Variants in ASPH observed in about 807,000 individuals in gnomAD.
ASPH encodes aspartyl/asparaginyl beta-hydroxylase.
In ASPH, 100 loss-of-function variants were observed where a neutral mutation model predicts 118.4. The ratio of observed to expected loss-of-function variants is 0.84; its 90% confidence interval spans 0.72 to 1.00. ASPH has a LOEUF of 1.00. Ranked by LOEUF, ASPH falls within the 50% of genes least tolerant of loss-of-function variation. The pLI is 0.00. For missense variants in ASPH, 920 were observed against 919.5 expected, an observed-to-expected ratio of 1.00 and a Z score of -0.01; for synonymous variants, 315 against 325.6, an observed-to-expected ratio of 0.97 and a Z score of 0.35.
At chr8:61,592,296 A>G (rs1411906767) in intron 14 of ASPH, among the ~76,000 whole-genome samples, 1 of 152,208 alleles carries the variant, frequency 6.6e-6, no homozygotes, top group Non-Finnish European at 1.5e-5. Flanking sequence ...TTAAGTGGGA[A>G]ATGTGCCTGA....
chr8:61,693,231 T>C (rs1833089179), intron 1 of ASPH, among the ~76,000 whole-genome samples: 1 of 152,196 alleles, frequency 6.6e-6, no homozygotes, highest in African/African-American at 2.4e-5. Context: ...GCCTCCATTT[T>C]ATATCCAACA....
chr8:61,577,421 A>AAAAAAAAAAG (rs1197809235), intron 15 of ASPH, among the ~76,000 whole-genome samples: 2 of 148,262 alleles, frequency 1.3e-5, no homozygotes, highest in African/African-American at 5.1e-5. Context: ...AAAAAAAAAA[A>AAAAAAAAAAG]AAGACAAGAC....
In ASPH at chr8:61,709,845, G is replaced by C. The variant is rs549620316; in HGVS notation, c.103+4424C>G. Among the ~76,000 whole-genome samples, 9 of 152,296 alleles carry C rather than the reference G, an allele frequency of 5.9e-5. No homozygotes were observed. The South Asian group carries it at 1.9e-3, about 32-fold the overall frequency. The stretch of plus-strand genomic sequence containing the variant: ...GCCATTAAGGGCAAATCACCAACTT[G>C]AAAGTTGATGTGCAAATGGATACTT... On this transcript the variant is annotated intron_variant, in intron 1 of 24. Transcript: ENST00000379454.
At chr8:61,667,954 C>T (rs978369691) in intron 3 of ASPH, among the ~76,000 whole-genome samples, 1 of 151,906 alleles carries the variant, frequency 6.6e-6, no homozygotes, top group South Asian at 2.1e-4. Flanking sequence ...TACATCATAA[C>T]AAATATAACA....
intron 13 of ASPH, chr8:61,628,247 C>T (rs1853837617): frequency 3.4e-6 from 1 of 293,880 alleles, no homozygotes. Context: ...GCAGCTTTGA[C>T]CTCCTGGACT....
chr8:61,575,589 T>G (rs1326935796), intron 16 of ASPH, among the ~76,000 whole-genome samples: 14 of 152,204 alleles, frequency 9.2e-5, no homozygotes, highest in Admixed American at 9.2e-4. Context: ...TAGCACACAG[T>G]GGGCTTTCAC....
chr8:61,572,264 T>C (rs1293631079), intron 16 of ASPH, among the ~76,000 whole-genome samples: 2 of 152,296 alleles, frequency 1.3e-5, no homozygotes, highest in African/African-American at 4.8e-5. Context: ...GGAAAATTTC[T>C]GCACTCTGAA....
intron 22 of ASPH, among the ~76,000 whole-genome samples, chr8:61,523,427 T>C (rs527488001): frequency 6.6e-6 from 1 of 151,368 alleles, no homozygotes; most frequent in African/African-American, 2.4e-5. Flanking sequence ...GTGATTCTCC[T>C]ACCTCAGCCT....
chr8:61,616,638 T>A (rs905245847), intron 14 of ASPH, among the ~76,000 whole-genome samples: 4 of 152,210 alleles, frequency 2.6e-5, no homozygotes. Context: ...TCTTACACAC[T>A]CTAGGCTTGT....
intron 10 of ASPH, among the ~76,000 whole-genome samples, chr8:61,640,938 C>T (rs1804826704): frequency 1.3e-5 from 2 of 152,172 alleles, no homozygotes; most frequent in South Asian, 4.1e-4. Context: ...TCTATTCTCC[C>T]ATTGAAATGT....
intron 22 of ASPH, among the ~76,000 whole-genome samples, chr8:61,524,495 A>G (rs961133539): frequency 6.6e-5 from 10 of 152,230 alleles, no homozygotes; most frequent in African/African-American, 2.2e-4. Flanking sequence ...ACACAATTCT[A>G]TCACATGTAA....
At chr8:61,670,225 G>GA (rs767494475) in intron 3 of ASPH, among the ~76,000 whole-genome samples, 2 of 145,012 alleles carry the variant, frequency 1.4e-5, no homozygotes, top group African/African-American at 2.5e-5. Flanking sequence ...AGAGAGTAAA[G>GA]AAAAAAAAAT....
intron 3 of ASPH, among the ~76,000 whole-genome samples, chr8:61,671,813 A>G (rs1217378673): frequency 6.6e-6 from 1 of 152,258 alleles, no homozygotes; most frequent in East Asian, 1.9e-4. Context: ...GTTCTCTATG[A>G]AATTAAAATG....
intron 3 of ASPH, chr8:61,664,840 AAAC>A: frequency 1.0e-6 from 1 of 989,754 alleles, no homozygotes; most frequent in Non-Finnish European, 1.2e-6. Flanking sequence ...GGAGGGAAGA[AAAC>A]AACGAGCAAA....
intron 20 of ASPH, among the ~76,000 whole-genome samples, chr8:61,551,762 C>CA (rs983481844): frequency 2.0e-5 from 3 of 152,166 alleles, no homozygotes; most frequent in African/African-American, 7.2e-5. Context: ...GATGTTGTAG[C>CA]AAAATCTTTC....
At chr8:61,710,361 C>A (rs756617494) in intron 1 of ASPH, among the ~76,000 whole-genome samples, 1 of 152,146 alleles carries the variant, frequency 6.6e-6, no homozygotes, top group Non-Finnish European at 1.5e-5. Flanking sequence ...TAACTAACAA[C>A]AAGATGGATA....
At chr8:61,671,504 T>C (rs1029612928) in intron 3 of ASPH, among the ~76,000 whole-genome samples, 4 of 152,194 alleles carry the variant, frequency 2.6e-5, no homozygotes, top group Non-Finnish European at 5.9e-5. Context: ...TGTTTTTAAT[T>C]AATAGAATAT....
In ASPH at chr8:61,651,058, GCGT is replaced by G. The variant is rs748391652; in HGVS notation, c.479_481del (p.His160_Ala161delinsPro). 1.2e-6 allele frequency: 2 copies of G among 1,612,778 alleles called. No individual in the cohort carries two copies. The highest frequency in any genetic ancestry group is 2.2e-5 in the South Asian group (2 of 90,924). On this transcript the variant is annotated inframe_deletion, in exon 5 of 25. Transcript: ENST00000379454. ...CAGATTTTAATTCATACCATGTTCTGCGTGTACCATTTCATGGAGAAGGGACTG... is the reference window on the plus strand; with the variant it reads ...CAGATTTTAATTCATACCATGTTCTGGTACCATTTCATGGAGAAGGGACTG...
At chr8:61,542,850 A>G (rs536803479) in intron 21 of ASPH, among the ~76,000 whole-genome samples, 3 of 152,264 alleles carry the variant, frequency 2.0e-5, no homozygotes, top group Admixed American at 1.3e-4. Flanking sequence ...TGCTAGATAT[A>G]GAATTCTTGG....
Sources: gnomAD v4.1 joint callset for allele counts (sites outside exome capture counted in the v4.1 genomes callset) on GRCh38, gnomAD v4.1.1 for gene constraint, MANE v1.5 for transcripts, NCBI Gene and HGNC (gene_info 2026-07-23, HGNC 2026-07-21) for gene names.